The following CNTN1 variants were observed in gnomAD, a reference collection of about 807,000 sequenced individuals.
CNTN1 encodes the protein contactin 1.
Under a neutral mutation model 126.4 loss-of-function variants are expected in CNTN1, and 38 were observed. The observed-to-expected ratio is 0.30, with a 90% CI of 0.23 to 0.39. CNTN1 has a LOEUF of 0.39. CNTN1 is among the 10% of genes least tolerant of loss of function. The probability of loss-of-function intolerance (pLI) is 1.00; values close to 1 mark genes in which losing one functional copy is unlikely to be tolerated. For missense variants in CNTN1, 1,009 were observed against 1,248.4 expected, an observed-to-expected ratio of 0.81 and a Z score of 2.89; for synonymous variants, 413 against 422.6, an observed-to-expected ratio of 0.98 and a Z score of 0.28.
intron 1 of CNTN1, among the ~76,000 whole-genome samples, chr12:40,865,207 G>T (rs1400883625): frequency 6.6e-6 from 1 of 151,990 alleles, no homozygotes; most frequent in African/African-American, 2.4e-5. Context: ...GTCTTTTTAA[G>T]TATTGAGTTA....
intron 20 of CNTN1, among the ~76,000 whole-genome samples, chr12:41,021,176 G>A (rs1319438741): frequency 6.6e-6 from 1 of 152,172 alleles, no homozygotes; most frequent in East Asian, 1.9e-4. Flanking sequence ...TGAGCAAATG[G>A]ATACCAAAGA....
chr12:40,961,283 G>C (rs565426564), intron 15 of CNTN1, among the ~76,000 whole-genome samples: 1 of 151,922 alleles, frequency 6.6e-6, no homozygotes, highest in East Asian at 1.9e-4. Context: ...AATAGAAAAA[G>C]TATCCATTTC....
At chr12:40,902,783 A>G (rs759841927) in intron 1 of CNTN1, among the ~76,000 whole-genome samples, 4 of 152,232 alleles carry the variant, frequency 2.6e-5, no homozygotes, top group African/African-American at 4.8e-5. Flanking sequence ...ATATTGTTGA[A>G]GCATTTTATA....
At chr12:40,973,241 C>T (rs1947574858) in intron 15 of CNTN1, among the ~76,000 whole-genome samples, 2 of 152,064 alleles carry the variant, frequency 1.3e-5, no homozygotes, top group South Asian at 4.1e-4. Flanking sequence ...TAAGATTCAG[C>T]TTCATCTTAG....
At chr12:41,011,087 T>C (rs1346128037) in intron 17 of CNTN1, among the ~76,000 whole-genome samples, 1 of 152,074 alleles carries the variant, frequency 6.6e-6, no homozygotes, top group Non-Finnish European at 1.5e-5. Flanking sequence ...AACACTTGAG[T>C]TAAATTTTGG....
At chr12:41,041,425 C>A (rs75733885) in intron 23 of CNTN1, among the ~76,000 whole-genome samples, 4,331 of 152,210 alleles carry the variant, frequency 0.028, 87 homozygotes, top group Middle Eastern at 0.075. Flanking sequence ...TGATGCCGGC[C>A]TCATAAAATG....
At chr12:40,832,850 A>G (rs1007284020) in intron 1 of CNTN1, among the ~76,000 whole-genome samples, 1 of 152,148 alleles carries the variant, frequency 6.6e-6, no homozygotes, top group African/African-American at 2.4e-5. Context: ...CCACTTGGCT[A>G]ATCACCCCGG....
chr12:41,061,912 T>C (rs780756265), intron 23 of CNTN1: 1 of 400,358 alleles, frequency 2.5e-6, no homozygotes, highest in East Asian at 7.8e-5. Flanking sequence ...TTTTTTCTTC[T>C]CTACCTAGCT....
rs535158436 is a variant in CNTN1, at chr12:40,787,522, G to C, written c.-77+94930G>C. 1.2e-4 allele frequency among the ~76,000 whole-genome samples: 18 copies of C among 152,008 alleles called. 1 individual carries two copies. Among genetic ancestry groups the C allele is most frequent in the African/African-American group, 4.1e-4 (17 of 41,404 alleles). On this transcript the variant is annotated intron_variant, in intron 1 of 23. Coordinates refer to ENST00000551295, the MANE Select transcript of CNTN1 (RefSeq NM_001843.4). The stretch of plus-strand genomic sequence containing the variant: ...ATCACTTGTATTAGAATAAATTATA[G>C]AATAGATGTTCAAAGTTGTTGCTTT...
intron 6 of CNTN1, among the ~76,000 whole-genome samples, chr12:40,924,896 A>ATATATATATATATATATATATATATT (rs1555181607): frequency 4.8e-5 from 7 of 147,354 alleles, no homozygotes; most frequent in Non-Finnish European, 1.0e-4. Context: ...ATATATATAT[A>ATATATATATATATATATATATATATT]TAGTATTATG....
At chr12:40,860,565 TTG>T (rs1390557801) in intron 1 of CNTN1, among the ~76,000 whole-genome samples, 3 of 152,152 alleles carry the variant, frequency 2.0e-5, no homozygotes, top group African/African-American at 7.2e-5. Flanking sequence ...GTTTAATAAA[TTG>T]CTGTAATGTC....
At chr12:40,761,556 T>C (rs924661805) in intron 1 of CNTN1, among the ~76,000 whole-genome samples, 5 of 152,142 alleles carry the variant, frequency 3.3e-5, no homozygotes, top group Non-Finnish European at 1.5e-5. Flanking sequence ...ATTTCTTAGA[T>C]AGATCAGCTT....
intron 1 of CNTN1, among the ~76,000 whole-genome samples, chr12:40,760,835 GCACACA>G (rs1165228762): frequency 2.7e-5 from 4 of 150,450 alleles, no homozygotes; most frequent in African/African-American, 7.3e-5. Context: ...TCAAAATAAT[GCACACA>G]CACACACACA....
At chr12:40,811,730 T>C (rs543213431) in intron 1 of CNTN1, among the ~76,000 whole-genome samples, 1 of 152,046 alleles carries the variant, frequency 6.6e-6, no homozygotes, top group Non-Finnish European at 1.5e-5. Flanking sequence ...TTGTGTTTTG[T>C]AATATCACCT....
intron 23 of CNTN1, among the ~76,000 whole-genome samples, chr12:41,033,891 A>G (rs1485361534): frequency 1.3e-5 from 2 of 151,322 alleles, no homozygotes; most frequent in Non-Finnish European, 2.9e-5. Flanking sequence ...ACAAAAAAAA[A>G]AAAAAAAAAT....
chr12:40,866,341 T>A (rs930748478), intron 1 of CNTN1, among the ~76,000 whole-genome samples: 1 of 152,126 alleles, frequency 6.6e-6, no homozygotes, highest in South Asian at 2.1e-4. Flanking sequence ...GAACTTTCAG[T>A]AAAATGTTCA....
At chr12:40,919,756 A>G (rs1333531445) in intron 4 of CNTN1, among the ~76,000 whole-genome samples, 1 of 152,198 alleles carries the variant, frequency 6.6e-6, no homozygotes, top group African/African-American at 2.4e-5. Flanking sequence ...TTAGATACAA[A>G]ATCACCATCC....
At chr12:40,777,722 C>T (rs1436708465) in intron 1 of CNTN1, among the ~76,000 whole-genome samples, 1 of 151,790 alleles carries the variant, frequency 6.6e-6, no homozygotes. Context: ...CATGAGCACA[C>T]ATGGTAGCTC....
intron 1 of CNTN1, among the ~76,000 whole-genome samples, chr12:40,824,728 A>C (rs73118720): frequency 6.6e-6 from 1 of 152,148 alleles, no homozygotes; most frequent in South Asian, 2.1e-4. Flanking sequence ...ATCAAATTTG[A>C]CAAACATTAA....
Sources: gnomAD v4.1 joint callset for allele counts (sites outside exome capture counted in the v4.1 genomes callset) on GRCh38, gnomAD v4.1.1 for gene constraint, MANE v1.5 for transcripts, NCBI Gene and HGNC (gene_info 2026-07-23, HGNC 2026-07-21) for gene names.